CCT2: variants seen among roughly 807,000 people sequenced by gnomAD.
CCT2 encodes the protein chaperonin containing TCP1 subunit 2.
In CCT2, 18 loss-of-function variants were observed where a neutral mutation model predicts 61.8. That is an observed-to-expected ratio of 0.29 (90% CI 0.20 to 0.43). The LOEUF is 0.43. Ranked by LOEUF, CCT2 falls within the 20% of genes least tolerant of loss-of-function variation. The probability of loss-of-function intolerance (pLI) is 1.00; values close to 1 mark genes in which losing one functional copy is unlikely to be tolerated. For missense variants in CCT2, 556 were observed against 656.9 expected, an observed-to-expected ratio of 0.85 and a Z score of 1.68; for synonymous variants, 248 against 215.9, an observed-to-expected ratio of 1.15 and a Z score of -1.30.
intron 7 of CCT2, among the ~76,000 whole-genome samples, chr12:69,590,522 C>G (rs761783675): frequency 3.3e-5 from 5 of 151,620 alleles, no homozygotes; most frequent in African/African-American, 7.3e-5. Context: ...CACAAAATGG[C>G]CTGTCAAAAA....
chr12:69,595,728 A>G (rs1452251359), intron 10 of CCT2, among the ~76,000 whole-genome samples: 1 of 151,962 alleles, frequency 6.6e-6, no homozygotes, highest in Non-Finnish European at 1.5e-5. Context: ...GTAAATGGTA[A>G]TAATATATTG....
At position 69,586,736 on chromosome 12, in the gene CCT2, C is replaced by T. The variant is rs1046865832; in HGVS notation, c.79-17C>T. The T allele has an allele frequency of 1.1e-5, 17 of 1,567,770 alleles. No homozygotes were observed. Among genetic ancestry groups the T allele is most frequent in the Non-Finnish European group, 1.5e-5 (17 of 1,152,932 alleles). ...CTGTAAAGTTGATTCTGATAATCTC[C>T]TTGGTTTTTACTCCAGACTTCTTTT... On this transcript the variant is annotated splice_polypyrimidine_tract_variant and intron_variant, in intron 2 of 15. Coordinates refer to ENST00000299300, the MANE Select transcript of CCT2 (RefSeq NM_006431.3).
rs887998770 is a variant in CCT2, at chr12:69,592,110, A to G, written c.701A>G (p.Asn234Ser). 14 of 1,601,718 alleles carry G rather than the reference A, an allele frequency of 8.7e-6. No homozygotes were observed. Among genetic ancestry groups the G allele is most frequent in the Admixed American group, 8.3e-5 (5 of 59,934 alleles). ...GTAAATCAACCAAAACGAATTGAAA[A>G]TGCTAAAATTCTTATTGCAAATACT... ...IGVNQPKRIENAKILIANTGM... is the reference protein window; with the variant it reads ...IGVNQPKRIESAKILIANTGM... Residue 234 changes from asparagine to serine, a missense_variant, in exon 8 of 16, where the codon AAT (asparagine) becomes AGT (serine). Coordinates refer to ENST00000299300, the MANE Select transcript of CCT2 (RefSeq NM_006431.3).
chr12:69,589,971 C>T (rs1303802888), intron 7 of CCT2, among the ~76,000 whole-genome samples: 1 of 152,186 alleles, frequency 6.6e-6, no homozygotes, highest in Non-Finnish European at 1.5e-5. Flanking sequence ...CATCTATTCT[C>T]AAATGGTACT....
At chr12:69,586,225 G>C (rs1191025424) in intron 1 of CCT2, 45 bp from the exon 2 acceptor site, 3 of 1,391,980 alleles carry the variant, frequency 2.2e-6, no homozygotes, top group Admixed American at 1.7e-5. Context: ...GTATGTGTTA[G>C]AGTATTGGTA....
chr12:69,601,463 C>CT lies in CCT2; in HGVS notation c.*141dup. The CT allele has an allele frequency of 6.4e-7, 1 of 1,555,202 alleles. No individual in the cohort carries two copies. The highest frequency in any genetic ancestry group is 8.7e-7 in the Non-Finnish European group (1 of 1,152,654). ...AGTTTGGATATTTAGCTGACCTTCG[C>CT]TTTAACATAGGTCTAATTTATTTGC... is the stretch of plus-strand genomic sequence containing the variant. On this transcript the variant is annotated 3_prime_UTR_variant, in exon 16 of 16. Transcript: ENST00000299300.
intron 10 of CCT2, 88 bp downstream of exon 10, chr12:69,593,701 GT>G: frequency 1.4e-6 from 1 of 732,988 alleles, no homozygotes; most frequent in Admixed American, 2.4e-5. Flanking sequence ...CCTTTAAGGA[GT>G]TTAGAATTTC....
intron 13 of CCT2, 46 bp from the exon 14 acceptor site, chr12:69,598,276 T>C (rs1173248569): frequency 2.2e-6 from 3 of 1,351,552 alleles, no homozygotes; most frequent in Non-Finnish European, 3.1e-6. Context: ...AAATCAGTGG[T>C]TCTTACAGTA....
At chr12:69,590,540 CATTCTT>C (rs1337108320) in intron 7 of CCT2, among the ~76,000 whole-genome samples, 1 of 151,688 alleles carries the variant, frequency 6.6e-6, no homozygotes, top group African/African-American at 2.4e-5. Context: ...AAAGTATAGG[CATTCTT>C]ATATAGAGAA....
chr12:69,592,183 A>AT (rs1257252619), intron 8 of CCT2, 24 bp downstream of exon 8: 1 of 1,361,900 alleles, frequency 7.3e-7, no homozygotes, highest in East Asian at 2.3e-5. Flanking sequence ...CTTTTTAAAA[A>AT]TTAAAATTAC....
chr12:69,587,267 G>T, intron 3 of CCT2: 1 of 423,006 alleles, frequency 2.4e-6, no homozygotes. Flanking sequence ...TCTTTCCATT[G>T]TTTTTGCAGT....
chr12:69,598,383 G>C lies in CCT2; in HGVS notation c.1397G>C (p.Arg466Thr), dbSNP rs377592128. Residue 466 changes from arginine to threonine, a missense_variant, in exon 14 of 16, where the codon AGG becomes ACG. Physicochemically the swap from Arg to Thr is moderately conservative, Grantham distance 71 (BLOSUM62 -1). Around this residue, in one of 3 missense-constraint regions of CCT2, gnomAD observed 225 missense variants for 249.8 expected, o/e 0.90. Coordinates refer to ENST00000299300, the MANE Select transcript of CCT2 (RefSeq NM_006431.3). ...AGTGCAGACCTGGTGGCACAGCTCA[G>C]GGCTGCTCACAGTGAAGGCAATACC... ...YDSADLVAQL[R>T]AAHSEGNTTA... 6.2e-7 allele frequency: 1 copy of C among 1,603,760 alleles called. No individual in the cohort carries two copies. Among genetic ancestry groups the C allele is most frequent in the East Asian group, 2.2e-5 (1 of 44,592 alleles).
chr12:69,597,010 T>C, intron 10 of CCT2, 146 bp from the exon 11 acceptor site: 4 of 615,530 alleles, frequency 6.5e-6, no homozygotes, highest in Non-Finnish European at 1.1e-5. Context: ...TATGAAGTAT[T>C]TAAAAAGAGT....
Position 69,587,717 on chromosome 12 carries a change from T to C in CCT2, c.256+101T>C. 2.6e-5 allele frequency: 20 copies of C among 781,080 alleles called. No homozygotes were observed. The South Asian group carries it at 3.3e-4, about 13-fold the overall frequency. The allele number at this position is 781,080 out of a possible 1,614,324, so 48.4% of individuals were successfully genotyped here. ...CTGTGTTGACCAATCGTACTGTCAA[T>C]TGATGTCCACTAGTTGTTAATTATC... On this transcript the variant is annotated intron_variant, in intron 4 of 15. Coordinates refer to ENST00000299300, the MANE Select transcript of CCT2 (RefSeq NM_006431.3).
chr12:69,590,353 TA>T (rs1224751692), intron 7 of CCT2, among the ~76,000 whole-genome samples: 1 of 151,994 alleles, frequency 6.6e-6, no homozygotes, highest in African/African-American at 2.4e-5. Context: ...AGAAAAGAAT[TA>T]AAAAAAATTT....
chr12:69,587,896 C>G (rs371556727), intron 4 of CCT2, 34 bp from the exon 5 acceptor site: 1 of 1,501,902 alleles, frequency 6.7e-7, no homozygotes, highest in Non-Finnish European at 9.3e-7. Context: ...AGCAAAGAAG[C>G]AATTTTGAGT....
chr12:69,595,971 C>A (rs760845072), intron 10 of CCT2, among the ~76,000 whole-genome samples: 1 of 152,148 alleles, frequency 6.6e-6, no homozygotes, highest in Non-Finnish European at 1.5e-5. Flanking sequence ...ATTCAAGAGG[C>A]TGAGGCAGAA....
rs564201407 is a variant in CCT2, at chr12:69,592,938, A to G, written c.751-38A>G. ...GCGAGACTCAATCTCAAAAAAAATA[A>G]TGAAACTGATGCTCTCTTTATGCTT... is the stretch of plus-strand genomic sequence containing the variant. On this transcript the variant is annotated intron_variant, in intron 8 of 15. Coordinates refer to ENST00000299300, the MANE Select transcript of CCT2 (RefSeq NM_006431.3). The G allele has an allele frequency of 7.5e-6, 12 of 1,595,942 alleles. No individual in the cohort carries two copies. In the South Asian group the frequency reaches 7.9e-5, roughly 10 times the overall value.
chr12:69,586,925 T>C, intron 3 of CCT2, 107 bp downstream of exon 3: 1 of 679,470 alleles, frequency 1.5e-6, no homozygotes. Context: ...AACGTTTAAT[T>C]ATAAAAGACA....
Sources: gnomAD v4.1 joint callset for allele counts (sites outside exome capture counted in the v4.1 genomes callset) on GRCh38, gnomAD v4.1.1 for gene constraint, gnomAD v4.1.1 regional missense constraint, MANE v1.5 for transcripts, NCBI Gene and HGNC (gene_info 2026-07-23, HGNC 2026-07-21) for gene names.